The following HIBCH variants were observed in gnomAD, a reference collection of about 807,000 sequenced individuals.
The protein encoded by HIBCH is 3-hydroxyisobutyryl-CoA hydrolase, also known as 3-hydroxyisobutyryl-CoA hydrolase, mitochondrial.
Under a neutral mutation model 58.2 loss-of-function variants are expected in HIBCH, and 50 were observed. That is an observed-to-expected ratio of 0.86 (90% CI 0.68 to 1.09). The LOEUF is 1.09. Ranked by LOEUF, HIBCH falls within the 50% of genes least tolerant of loss-of-function variation. The pLI is 0.00. For synonymous variants in HIBCH, 151 were observed against 146.9 expected (o/e 1.03, Z -0.20); for missense variants, 450 against 449.7 (o/e 1.00, Z -0.01).
intron 1 of HIBCH, chr2:190,311,006 C>T: frequency 1.5e-6 from 1 of 688,446 alleles, no homozygotes; most frequent in South Asian, 1.5e-5. Context: ...TTATTCATAA[C>T]TGCCAAAATG....
At position 190,236,814 on chromosome 2, in the gene HIBCH, T is replaced by C. The variant is rs1686288844; in HGVS notation, c.891+8073A>G. Reference sequence around the variant, plus strand: ...AAAATGAAAAGATACTATCTAAAGATACAAGTACTACTATTTTATGTTTCC... The same window carrying C: ...AAAATGAAAAGATACTATCTAAAGACACAAGTACTACTATTTTATGTTTCC... On this transcript the variant is annotated intron_variant, in intron 11 of 13. Transcript: ENST00000359678. The surrounding 1 kb of genome is among the most constrained non-coding windows in gnomAD (Gnocchi z 4.1). Among the ~76,000 whole-genome samples the C allele has an allele frequency of 6.6e-6, 1 of 152,206 alleles. No homozygotes were observed. Among genetic ancestry groups the C allele is most frequent in the African/African-American group, 2.4e-5 (1 of 41,466 alleles).
rs559228518 is a variant in HIBCH at position 190,305,602 on chromosome 2, C to T, written c.78+5152G>A. Reference sequence around the variant, plus strand: ...AGGTCACATTCTGAGGTACTGGGGACTAGGACTCCAACATATGAATTTTGG... The same window carrying T: ...AGGTCACATTCTGAGGTACTGGGGATTAGGACTCCAACATATGAATTTTGG... On this transcript the variant is annotated intron_variant, in intron 2 of 13. Transcript: ENST00000359678. 2.0e-5 allele frequency among the ~76,000 whole-genome samples: 3 copies of T among 152,184 alleles called. No individual in the cohort carries two copies. The South Asian group carries it at 6.2e-4, about 32-fold the overall frequency.
chr2:190,192,656 G>C (rs1689771932), intron 1 of HIBCH, among the ~76,000 whole-genome samples: 1 of 152,020 alleles, frequency 6.6e-6, no homozygotes, highest in African/African-American at 2.4e-5. Flanking sequence ...AACAGCATTT[G>C]TCTGTTTGTT....
chr2:190,305,460 T>G (rs1189802534), intron 2 of HIBCH, among the ~76,000 whole-genome samples: 1 of 152,184 alleles, frequency 6.6e-6, no homozygotes, highest in Non-Finnish European at 1.5e-5. Context: ...GACATTATCC[T>G]GTGTACATGA....
rs182800647 is a variant in HIBCH at position 190,229,696 on chromosome 2, G to A, written c.891+15191C>T. The stretch of plus-strand genomic sequence containing the variant: ...TTTTTTAAACACTTGCAAGGCACAA[G>A]AGAAATAAATCAGTGCAAAACAGGT... On this transcript the variant is annotated intron_variant, in intron 11 of 13. Coordinates refer to ENST00000359678, the MANE Select transcript of HIBCH (RefSeq NM_014362.4). Among the ~76,000 whole-genome samples, 4 of 152,300 alleles carry A rather than the reference G, an allele frequency of 2.6e-5. No individual in the cohort carries two copies. The East Asian group carries it at 7.7e-4, about 29-fold the overall frequency.
At chr2:190,277,809 T>C (rs1687596192) in intron 6 of HIBCH, among the ~76,000 whole-genome samples, 1 of 152,120 alleles carries the variant, frequency 6.6e-6, no homozygotes, top group African/African-American at 2.4e-5. Flanking sequence ...AATCAGGTAA[T>C]TTCTCTAATT....
chr2:190,263,187 G>T (rs375263639), intron 6 of HIBCH, among the ~76,000 whole-genome samples: 1 of 152,046 alleles, frequency 6.6e-6, no homozygotes, highest in Non-Finnish European at 1.5e-5. Context: ...AAGTTTTATT[G>T]TATTAGCTAA....
intron 7 of HIBCH, among the ~76,000 whole-genome samples, chr2:190,256,564 T>C (rs971699368): frequency 2.6e-4 from 39 of 151,626 alleles, no homozygotes; most frequent in African/African-American, 9.2e-4. Context: ...TACAAAAATA[T>C]CCAGCACCCG....
At chr2:190,311,050 A>G (rs1330392191) in intron 1 of HIBCH, 2 of 650,088 alleles carry the variant, frequency 3.1e-6, no homozygotes, top group African/African-American at 1.8e-5. Context: ...AATGGTTGGA[A>G]GACAAACCAA....
intron 2 of HIBCH, among the ~76,000 whole-genome samples, chr2:190,301,172 A>C (rs1464841162): frequency 6.6e-6 from 1 of 152,196 alleles, no homozygotes; most frequent in Non-Finnish European, 1.5e-5. Flanking sequence ...GTGCTGGCTC[A>C]GGAGGGAAAC....
chr2:190,318,845 T>C (rs1203647989), intron 1 of HIBCH, among the ~76,000 whole-genome samples: 3 of 152,172 alleles, frequency 2.0e-5, no homozygotes, highest in Admixed American at 1.3e-4. Flanking sequence ...AACTCTTAAA[T>C]GTATAACAAA....
chr2:190,251,929 G>A (rs1686784195), intron 8 of HIBCH, among the ~76,000 whole-genome samples: 1 of 151,786 alleles, frequency 6.6e-6, no homozygotes, highest in Non-Finnish European at 1.5e-5. Context: ...AATACTCACT[G>A]AAGGTGCCAA....
At chr2:190,244,859 C>T (rs775208899) in intron 11 of HIBCH, 28 bp downstream of exon 11, 20 of 1,459,956 alleles carry the variant, frequency 1.4e-5, no homozygotes, top group Non-Finnish European at 1.9e-5. Flanking sequence ...ACTATGTTCA[C>T]TCAGGGCAGA....
intron 9 of HIBCH, among the ~76,000 whole-genome samples, chr2:190,249,097 C>T (rs1686691750): frequency 6.6e-6 from 1 of 152,094 alleles, no homozygotes. Context: ...CTCTTCCGTT[C>T]TACTTGTCTT....
intron 11 of HIBCH, among the ~76,000 whole-genome samples, chr2:190,235,053 T>C (rs1395098867): frequency 6.6e-6 from 1 of 152,100 alleles, no homozygotes; most frequent in Non-Finnish European, 1.5e-5. Flanking sequence ...TGAAGGGGGA[T>C]GAACTAGAAA....
chr2:190,261,023 TTC>T (rs1451629181), intron 7 of HIBCH, 131 bp downstream of exon 7: 1 of 702,638 alleles, frequency 1.4e-6, no homozygotes, highest in African/African-American at 1.8e-5. Context: ...CCTATTTAAT[TTC>T]TTTTTTAAAA....
intron 6 of HIBCH, among the ~76,000 whole-genome samples, chr2:190,269,447 T>C (rs994330317): frequency 8.6e-6 from 1 of 116,282 alleles, no homozygotes; most frequent in African/African-American, 3.4e-5. Context: ...AGAAGACATT[T>C]ATGCAGTCAA....
chr2:190,312,004 A>T (rs1688570364), intron 1 of HIBCH, among the ~76,000 whole-genome samples: 1 of 152,204 alleles, frequency 6.6e-6, no homozygotes, highest in African/African-American at 2.4e-5. Flanking sequence ...AATTGTCTCT[A>T]TCCCAATGCT....
chr2:190,232,850 C>T (rs1158274971), intron 11 of HIBCH, among the ~76,000 whole-genome samples: 4 of 151,742 alleles, frequency 2.6e-5, no homozygotes, highest in African/African-American at 4.8e-5. Context: ...CCCAGCTACT[C>T]GGGAGGCTGA....
Sources: gnomAD v4.1 joint callset for allele counts (sites outside exome capture counted in the v4.1 genomes callset) on GRCh38, gnomAD v4.1.1 for gene constraint, Gnocchi (gnomAD v3.1) non-coding constraint, MANE v1.5 for transcripts, NCBI Gene and HGNC (gene_info 2026-07-23, HGNC 2026-07-21) for gene names.